IGSF9B: variants seen among roughly 807,000 people sequenced by gnomAD.
The protein encoded by IGSF9B is immunoglobulin superfamily member 9B.
In IGSF9B, 48 loss-of-function variants were observed where a neutral mutation model predicts 143.7. That is an observed-to-expected ratio of 0.33 (90% CI 0.26 to 0.42). The LOEUF (loss-of-function observed/expected upper bound fraction) is 0.42, where lower values mean the gene tolerates loss of function less well. Ranked by LOEUF, IGSF9B falls within the 20% of genes least tolerant of loss-of-function variation. The pLI, the probability that IGSF9B is intolerant of heterozygous loss-of-function variation, is 1.00. For missense variants in IGSF9B, 1,706 were observed against 1,980.0 expected (o/e 0.86, Z 2.63); for synonymous variants, 903 against 833.1 (o/e 1.08, Z -1.44).
chr11:133,909,969 C>G lies in IGSF9B; in HGVS notation c.4106-692G>C, dbSNP rs111837422. Among the ~76,000 whole-genome samples the G allele has an allele frequency of 6.6e-6, 1 of 152,240 alleles. No individual in the cohort carries two copies. Among genetic ancestry groups the G allele is most frequent in the East Asian group, 1.9e-4 (1 of 5,202 alleles). On this transcript the variant is annotated intron_variant, in intron 19 of 19. Transcript: ENST00000533871. The surrounding 1 kb of genome is among the most constrained non-coding windows in gnomAD (Gnocchi z 4.2). ...TTGAATTGCATCTTAAATTATGAGC[C>G]TTCCACAGATCTGAAGAAAAATTAT...
chr11:133,940,343 G>A (rs545758384), intron 3 of IGSF9B, among the ~76,000 whole-genome samples: 58 of 134,162 alleles, frequency 4.3e-4, no homozygotes, highest in African/African-American at 1.4e-3. Flanking sequence ...GCACGTCCTC[G>A]CACGCGTCAT....
chr11:133,922,103 G>A, intron 17 of IGSF9B, 74 bp downstream of exon 17: 1 of 1,243,434 alleles, frequency 8.0e-7, no homozygotes, highest in Non-Finnish European at 1.2e-6. Flanking sequence ...ACATGGGGCT[G>A]GGTAAGGCGA....
At chr11:133,935,472 C>T in intron 7 of IGSF9B, 145 bp downstream of exon 7, 1 of 999,046 alleles carries the variant, frequency 1.0e-6, no homozygotes, top group Non-Finnish European at 1.4e-6. Flanking sequence ...CCTCTCCAGC[C>T]ATCCCTCCTT....
At chr11:133,938,007 C>T (rs368869344) in intron 3 of IGSF9B, 46 bp from the exon 4 acceptor site, 55 of 1,596,954 alleles carry the variant, frequency 3.4e-5, no homozygotes, top group East Asian at 1.3e-4. Flanking sequence ...TCAGCCACAT[C>T]GCTGCCCTGC....
chr11:133,920,573 T>TCCAGCC lies in IGSF9B; in HGVS notation c.3146_3151dup (p.Gly1049_Leu1050dup). 1 of 1,613,266 alleles carries TCCAGCC rather than the reference T, an allele frequency of 6.2e-7. No individual in the cohort carries two copies. Among genetic ancestry groups the TCCAGCC allele is most frequent in the South Asian group, 1.1e-5 (1 of 91,070 alleles). The stretch of plus-strand genomic sequence containing the variant: ...GTGGGGGAACATCATCGCTGGGGTC[T>TCCAGCC]CCAGCCCCCCGAAGGGGAATTCTGG... On this transcript the variant is annotated inframe_insertion, in exon 18 of 20. Coordinates refer to ENST00000533871, the MANE Select transcript of IGSF9B (RefSeq NM_001277285.4).
chr11:133,954,043 T>C (rs1287171995), intron 1 of IGSF9B, among the ~76,000 whole-genome samples: 1 of 152,194 alleles, frequency 6.6e-6, no homozygotes, highest in African/African-American at 2.4e-5. Context: ...GCCCCTGCTA[T>C]GGCCAAATCC....
chr11:133,937,320 G>C, intron 5 of IGSF9B, 56 bp downstream of exon 5: 2 of 1,343,098 alleles, frequency 1.5e-6, no homozygotes. Context: ...AGCTCAGCCG[G>C]GCTGGACATC....
At chr11:133,917,262 G>A (rs1210574211) in intron 18 of IGSF9B, among the ~76,000 whole-genome samples, 1 of 152,222 alleles carries the variant, frequency 6.6e-6, no homozygotes, top group Non-Finnish European at 1.5e-5. Context: ...TACTGTGAGA[G>A]GGAGCGAGCT....
chr11:133,897,457 A>C lies in IGSF9B; in HGVS notation c.*11612T>G, dbSNP rs1485457903. ...TTTCCTTGCAGTCTGCTCAGGCAGCAGAAGGGTGTCCCATCCTCACCGTCA... is the reference window on the plus strand; with the variant it reads ...TTTCCTTGCAGTCTGCTCAGGCAGCCGAAGGGTGTCCCATCCTCACCGTCA... On this transcript the variant is annotated 3_prime_UTR_variant, in exon 20 of 20. Coordinates refer to ENST00000533871, the MANE Select transcript of IGSF9B (RefSeq NM_001277285.4). 5 of 152,426 alleles carry C rather than the reference A, an allele frequency of 3.3e-5. No homozygotes were observed. In the East Asian group the frequency reaches 9.7e-4, roughly 29 times the overall value. 9.4% of individuals were successfully genotyped at this position (152,426 alleles called of 1,614,324 possible). A position where few individuals can be genotyped will look rare whatever the true frequency, so the allele number is the denominator to read the frequency against.
In IGSF9B at chr11:133,920,152, T is replaced by G; in HGVS notation, c.3573A>C (p.Leu1191Phe). Residue 1191 changes from leucine to phenylalanine, a missense_variant, in exon 18 of 20, where the codon TTA becomes TTC. By Grantham distance (22) the Leu-to-Phe change is conservative. Coordinates refer to ENST00000533871, the MANE Select transcript of IGSF9B (RefSeq NM_001277285.4). ...GGGAGGGCTGTAGCACCACTTGATG[T>G]AAACTGGGCTCGGCGCGCCTGGCCT... ...PRQARRAEPS[L>F]HQVVLQPSRL... The G allele has an allele frequency of 6.6e-7, 1 of 1,508,388 alleles. No individual in the cohort carries two copies. The highest frequency in any genetic ancestry group is 2.3e-5 in the East Asian group (1 of 43,496). The allele number at this position is 1,508,388 out of a possible 1,614,324, so 93.4% of individuals were successfully genotyped here. A position where few individuals can be genotyped will look rare whatever the true frequency, so the allele number is the denominator to read the frequency against.
chr11:133,918,419 TGGGGGAGGGAGGAGGAG>T (rs1939434669), intron 18 of IGSF9B, among the ~76,000 whole-genome samples: 1 of 150,750 alleles, frequency 6.6e-6, no homozygotes. Context: ...GGCCGGAGCG[TGGGGGAGGGAGGAGGAG>T]AGAGACGGAG....
rs375556109 is a variant in IGSF9B at position 133,956,774 on chromosome 11, G to A, written c.-20C>T. 3 of 1,477,142 alleles carry A rather than the reference G, an allele frequency of 2.0e-6. No individual in the cohort carries two copies. Among genetic ancestry groups the A allele is most frequent in the Admixed American group, 2.2e-5 (1 of 44,820 alleles). The allele number at this position is 1,477,142 out of a possible 1,614,324, so 91.5% of individuals were successfully genotyped here. On this transcript the variant is annotated 5_prime_UTR_variant, in exon 1 of 20. Transcript: ENST00000533871. ...AATCATAGTACTACCGCGCCAGCCC[G>A]GAGCCTCATCCTATCGCAAAGTGCT...
intron 3 of IGSF9B, among the ~76,000 whole-genome samples, chr11:133,939,583 A>G (rs909396162): frequency 1.3e-5 from 2 of 152,258 alleles, no homozygotes; most frequent in Non-Finnish European, 2.9e-5. Context: ...GCAGGCCGAT[A>G]CCAAAACACT....
chr11:133,933,095 T>C (rs1939763483), intron 7 of IGSF9B, among the ~76,000 whole-genome samples: 1 of 152,086 alleles, frequency 6.6e-6, no homozygotes, highest in South Asian at 2.1e-4. Context: ...GCCCAGGTGC[T>C]CAGAACTTCT....
intron 1 of IGSF9B, among the ~76,000 whole-genome samples, chr11:133,952,654 AC>A (rs1421201394): frequency 2.0e-5 from 3 of 152,206 alleles, no homozygotes; most frequent in African/African-American, 7.2e-5. Flanking sequence ...ATGTGCACAC[AC>A]ATACAGGTGT....
intron 18 of IGSF9B, 151 bp from the exon 19 acceptor site, chr11:133,912,158 G>C: frequency 1.1e-6 from 1 of 886,252 alleles, no homozygotes; most frequent in Non-Finnish European, 1.8e-6. Flanking sequence ...CATGACACCC[G>C]CCTTTCTATT....
At position 133,919,772 on chromosome 11, in the gene IGSF9B, T is replaced by G. The variant is rs770418036; in HGVS notation, c.3953A>C (p.Glu1318Ala). 1.3e-6 allele frequency: 2 copies of G among 1,482,618 alleles called. No homozygotes were observed. Among genetic ancestry groups the G allele is most frequent in the East Asian group, 2.4e-5 (1 of 42,262 alleles). The allele number at this position is 1,482,618 out of a possible 1,614,324, so 91.8% of individuals were successfully genotyped here. The change falls in exon 18 of 20, where the codon GAG (glutamate) becomes GCG (alanine). Residue 1318 changes from glutamate (E) to alanine (A), a missense_variant. Around this residue, in one of 7 missense-constraint regions of IGSF9B, gnomAD observed 880 missense variants for 762.9 expected, o/e 1.15. Transcript: ENST00000533871. ...AGTAGGTAACGTGGGTGGTGGGGTCTCCGGTCGGAGCAATTCCTCCCCCGT... is the reference window on the plus strand; with the variant it reads ...AGTAGGTAACGTGGGTGGTGGGGTCGCCGGTCGGAGCAATTCCTCCCCCGT... Reference protein sequence around the residue: ...RRTGEELLRPETPPPTLPTSG... With the variant: ...RRTGEELLRPATPPPTLPTSG...
chr11:133,951,151 G>A (rs1347118789), intron 1 of IGSF9B, among the ~76,000 whole-genome samples: 1 of 152,158 alleles, frequency 6.6e-6, no homozygotes, highest in Non-Finnish European at 1.5e-5. Flanking sequence ...CCAAAGCACA[G>A]CGAACACCCA....
In IGSF9B at chr11:133,908,163, C is replaced by T. The variant is rs1269173546; in HGVS notation, c.*906G>A. Among the ~76,000 whole-genome samples the T allele has an allele frequency of 6.6e-6, 1 of 152,212 alleles. No homozygotes were observed. The highest frequency in any genetic ancestry group is 2.4e-5 in the African/African-American group (1 of 41,468). Reference sequence around the variant, plus strand: ...CGCCGACGGATGCGCTGGACATGTGCACCAGAGGCTTGCTTTAGCCCCGCG... The same window carrying T: ...CGCCGACGGATGCGCTGGACATGTGTACCAGAGGCTTGCTTTAGCCCCGCG... On this transcript the variant is annotated 3_prime_UTR_variant, in exon 20 of 20. Transcript: ENST00000533871.
Sources: gnomAD v4.1 joint callset for allele counts (sites outside exome capture counted in the v4.1 genomes callset) on GRCh38, gnomAD v4.1.1 for gene constraint, gnomAD v4.1.1 regional missense constraint, Gnocchi (gnomAD v3.1) non-coding constraint, MANE v1.5 for transcripts, NCBI Gene and HGNC (gene_info 2026-07-23, HGNC 2026-07-21) for gene names.